GALNT17: variants seen among roughly 807,000 people sequenced by gnomAD.
GALNT17 encodes polypeptide N-acetylgalactosaminyltransferase 17, also known as UDP-GalNAc:polypeptide N-acetylgalactosaminyltransferase-like 3.
Under a neutral mutation model 63.7 loss-of-function variants are expected in GALNT17, and 29 were observed. The ratio of observed to expected loss-of-function variants is 0.46; its 90% CI spans 0.34 to 0.62. The LOEUF (loss-of-function observed/expected upper bound fraction) is 0.62, where lower values mean the gene tolerates loss of function less well. Ranked by LOEUF, GALNT17 falls within the 20% of genes least tolerant of loss-of-function variation. GALNT17 has a pLI of 0.01. For synonymous variants in GALNT17, 305 were observed against 318.3 expected (o/e 0.96, Z 0.45); for missense variants, 603 against 799.6 (o/e 0.75, Z 2.97).
intron 5 of GALNT17, among the ~76,000 whole-genome samples, chr7:71,538,363 C>A (rs1788833618): frequency 6.6e-6 from 1 of 152,122 alleles, no homozygotes; most frequent in Non-Finnish European, 1.5e-5. Context: ...AGCCCATAAA[C>A]CAGCGGCACG....
intron 9 of GALNT17, among the ~76,000 whole-genome samples, chr7:71,694,653 C>T (rs1791513534): frequency 6.6e-6 from 1 of 152,208 alleles, no homozygotes; most frequent in Admixed American, 6.5e-5. Flanking sequence ...GCCTCGGCCT[C>T]CTAAAGTGCT....
chr7:71,402,042 C>T (rs529133458), intron 3 of GALNT17, among the ~76,000 whole-genome samples: 1 of 152,288 alleles, frequency 6.6e-6, no homozygotes, highest in African/African-American at 2.4e-5. Flanking sequence ...CCAGCCCAAA[C>T]TTTAGCTATG....
intron 7 of GALNT17, among the ~76,000 whole-genome samples, chr7:71,667,709 G>T (rs1226250989): frequency 6.6e-6 from 1 of 152,182 alleles, no homozygotes; most frequent in Non-Finnish European, 1.5e-5. Flanking sequence ...AAGCACATGG[G>T]CAGGGAAGTC....
At chr7:71,524,303 C>G (rs1434412112) in intron 5 of GALNT17, among the ~76,000 whole-genome samples, 1 of 146,604 alleles carries the variant, frequency 6.8e-6, no homozygotes, top group Non-Finnish European at 1.5e-5. Context: ...TTGATATTAA[C>G]TATTACTATA....
intron 5 of GALNT17, among the ~76,000 whole-genome samples, chr7:71,489,100 G>T: frequency 6.6e-6 from 1 of 151,224 alleles, no homozygotes; most frequent in East Asian, 1.9e-4. Flanking sequence ...CACTATGTTG[G>T]TCAGGCTGGT....
intron 6 of GALNT17, among the ~76,000 whole-genome samples, chr7:71,632,655 C>G (rs767407793): frequency 1.7e-4 from 26 of 152,112 alleles, no homozygotes; most frequent in African/African-American, 2.7e-4. Flanking sequence ...CAGAATGTAG[C>G]AAGTGAGAAG....
At chr7:71,332,523 C>G (rs73181630) in intron 1 of GALNT17, among the ~76,000 whole-genome samples, 40,732 of 151,998 alleles carry the variant, frequency 0.27, 6,075 homozygotes, top group East Asian at 0.48. Flanking sequence ...GCAAGGTCAC[C>G]TATATATTTT....
At chr7:71,617,881 A>G (rs989615757) in intron 6 of GALNT17, among the ~76,000 whole-genome samples, 10 of 151,868 alleles carry the variant, frequency 6.6e-5, no homozygotes, top group African/African-American at 2.4e-4. Flanking sequence ...TCCTGACCTC[A>G]GGCGATCCAC....
intron 2 of GALNT17, among the ~76,000 whole-genome samples, chr7:71,365,470 C>G (rs995260358): frequency 6.6e-6 from 1 of 152,176 alleles, no homozygotes; most frequent in African/African-American, 2.4e-5. Flanking sequence ...AATCTCTTGA[C>G]CTGTGGTGAT....
intron 1 of GALNT17, among the ~76,000 whole-genome samples, chr7:71,331,784 A>G (rs761523224): frequency 1.3e-5 from 2 of 152,154 alleles, no homozygotes; most frequent in Non-Finnish European, 1.5e-5. Context: ...AGATTGTAAT[A>G]ATACCTTCCC....
chr7:71,161,103 G>T (rs1788334486), intron 1 of GALNT17, among the ~76,000 whole-genome samples: 1 of 152,118 alleles, frequency 6.6e-6, no homozygotes. Context: ...GGGATTACAG[G>T]TGTGAGCCAC....
chr7:71,144,921 G>T (rs940334970), intron 1 of GALNT17, among the ~76,000 whole-genome samples: 1 of 152,088 alleles, frequency 6.6e-6, no homozygotes, highest in African/African-American at 2.4e-5. Context: ...GTAGAGATGG[G>T]GTTTCACCAT....
chr7:71,469,532 G>GA (rs1464264868), intron 5 of GALNT17, among the ~76,000 whole-genome samples: 1 of 152,216 alleles, frequency 6.6e-6, no homozygotes, highest in Non-Finnish European at 1.5e-5. Context: ...ATAACACACA[G>GA]AAAATGGAAG....
intron 1 of GALNT17, among the ~76,000 whole-genome samples, chr7:71,156,571 CAT>C (rs1442234783): frequency 2.3e-5 from 3 of 131,122 alleles, no homozygotes; most frequent in East Asian, 2.0e-4. Flanking sequence ...CATTTATTCA[CAT>C]GAGATGTCCT....
At chr7:71,439,561 G>A (rs940221045) in intron 5 of GALNT17, among the ~76,000 whole-genome samples, 7 of 152,218 alleles carry the variant, frequency 4.6e-5, no homozygotes, top group African/African-American at 9.6e-5. Context: ...CACTGTGACA[G>A]CTCCCAGCGG....
At chr7:71,173,422 A>C (rs151324730) in intron 1 of GALNT17, among the ~76,000 whole-genome samples, 1 of 152,290 alleles carries the variant, frequency 6.6e-6, no homozygotes, top group Non-Finnish European at 1.5e-5. Flanking sequence ...TAGTTTACTT[A>C]TGACTTTTAA....
chr7:71,376,180 A>G (rs573283789), intron 2 of GALNT17, among the ~76,000 whole-genome samples: 1 of 152,106 alleles, frequency 6.6e-6, no homozygotes, highest in South Asian at 2.1e-4. Flanking sequence ...AATTTGCATT[A>G]TTTCCTGATG....
chr7:71,528,689 C>T (rs994989116), intron 5 of GALNT17, among the ~76,000 whole-genome samples: 1 of 152,088 alleles, frequency 6.6e-6, no homozygotes, highest in African/African-American at 2.4e-5. Context: ...AGTTACATGA[C>T]CAAAACGGGT....
intron 2 of GALNT17, among the ~76,000 whole-genome samples, chr7:71,366,147 G>A (rs1171692083): frequency 2.0e-5 from 3 of 152,064 alleles, no homozygotes; most frequent in Non-Finnish European, 4.4e-5. Flanking sequence ...GAGTAGATGG[G>A]GAGAGGCTGT....
Sources: allele counts gnomAD v4.1 joint callset (sites outside exome capture counted in the v4.1 genomes callset), GRCh38; gene constraint gnomAD v4.1.1; transcripts MANE v1.5; gene names NCBI Gene and HGNC (gene_info 2026-07-23, HGNC 2026-07-21).